Variants in AGBL4 observed in about 807,000 individuals in gnomAD.
AGBL4 encodes the protein AGBL carboxypeptidase 4.
A neutral mutation model predicts 66.4 loss-of-function variants in AGBL4; 58 were observed. That is an observed-to-expected ratio of 0.87 (90% CI 0.71 to 1.09). The LOEUF is 1.09. Ranked by LOEUF, AGBL4 falls within the 50% of genes least tolerant of loss-of-function variation. AGBL4 has a pLI of 0.00. For synonymous variants in AGBL4, 234 were observed against 222.9 expected, an observed-to-expected ratio of 1.05 and a Z score of -0.44; for missense variants, 579 against 631.0, an observed-to-expected ratio of 0.92 and a Z score of 0.88.
At chr1:49,709,547 A>ACAAAAGCAATGGCAAACAC (rs1266211363) in intron 2 of AGBL4, among the ~76,000 whole-genome samples, 1 of 152,182 alleles carries the variant, frequency 6.6e-6, no homozygotes, top group African/African-American at 2.4e-5. Flanking sequence ...AGCAATGGCA[A>ACAAAAGCAATGGCAAACAC]CAAAAGCAAT....
intron 3 of AGBL4, among the ~76,000 whole-genome samples, chr1:49,528,986 T>C (rs1227201126): frequency 6.6e-6 from 1 of 152,190 alleles, no homozygotes; most frequent in Non-Finnish European, 1.5e-5. Context: ...TGAACTTAAT[T>C]TTAAACACTA....
At chr1:49,953,532 T>C (rs1045553948) in intron 1 of AGBL4, among the ~76,000 whole-genome samples, 1 of 151,928 alleles carries the variant, frequency 6.6e-6, no homozygotes, top group Non-Finnish European at 1.5e-5. Context: ...TTAATGTCTA[T>C]TCCCAGAGAT....
chr1:49,845,702 C>T, intron 2 of AGBL4: 4 of 1,594,230 alleles, frequency 2.5e-6, no homozygotes, highest in Non-Finnish European at 3.4e-6. Context: ...AGCCAGAGCA[C>T]ATTCCTGACT....
At chr1:48,628,422 G>C (rs1448282669) in intron 9 of AGBL4, among the ~76,000 whole-genome samples, 2 of 152,056 alleles carry the variant, frequency 1.3e-5, no homozygotes, top group East Asian at 3.9e-4. Context: ...CTAACAAGCG[G>C]CACTTTGTTT....
intron 3 of AGBL4, among the ~76,000 whole-genome samples, chr1:49,352,956 C>T (rs1190773132): frequency 1.3e-5 from 2 of 152,184 alleles, no homozygotes; most frequent in African/African-American, 4.8e-5. Context: ...CACCCTATGA[C>T]TTTCCTTTCC....
rs149982256 is a variant in AGBL4, at chr1:48,726,376, C to A, written c.635-63135G>T. On this transcript the variant is annotated intron_variant, in intron 6 of 13. Transcript: ENST00000371839. Reference sequence around the variant, plus strand: ...TTTTTTTCCAGCATCTCACGCAATCCACACAACTCATGCCTGAGCTTCCCC... The same window carrying A: ...TTTTTTTCCAGCATCTCACGCAATCAACACAACTCATGCCTGAGCTTCCCC... Among the ~76,000 whole-genome samples the A allele has an allele frequency of 4.2e-3, 642 of 152,174 alleles. 4 individuals are homozygous for A. Among genetic ancestry groups the A allele is most frequent in the African/African-American group, 0.015 (614 of 41,494 alleles).
intron 1 of AGBL4, among the ~76,000 whole-genome samples, chr1:49,951,172 A>G (rs933391846): frequency 3.3e-5 from 5 of 151,850 alleles, no homozygotes; most frequent in South Asian, 2.1e-4. Context: ...GACTATAGTT[A>G]ATAATAATGT....
intron 3 of AGBL4, among the ~76,000 whole-genome samples, chr1:49,316,859 T>C (rs1253821737): frequency 1.3e-5 from 2 of 151,858 alleles, no homozygotes; most frequent in African/African-American, 4.8e-5. Context: ...AACTAAAGGA[T>C]AGGTAAAATA....
chr1:49,099,532 G>A (rs1283294537), intron 4 of AGBL4, among the ~76,000 whole-genome samples: 1 of 152,126 alleles, frequency 6.6e-6, no homozygotes, highest in African/African-American at 2.4e-5. Context: ...TCTGTGCTAA[G>A]CATTGTGCTA....
chr1:49,458,044 T>C (rs887959688), intron 3 of AGBL4, among the ~76,000 whole-genome samples: 1 of 151,466 alleles, frequency 6.6e-6, no homozygotes, highest in Non-Finnish European at 1.5e-5. Flanking sequence ...GGCTCGTTTT[T>C]GGCTCCATAT....
intron 6 of AGBL4, among the ~76,000 whole-genome samples, chr1:48,752,333 G>C (rs1651872480): frequency 1.3e-5 from 2 of 152,156 alleles, no homozygotes; most frequent in Non-Finnish European, 2.9e-5. Flanking sequence ...CACAACTAGT[G>C]ATGTCTAAAA....
chr1:49,484,614 C>T lies in AGBL4; in HGVS notation c.282+212699G>A, dbSNP rs185671526. Among the ~76,000 whole-genome samples, 412 of 151,570 alleles carry T rather than the reference C, an allele frequency of 2.7e-3. 1 individual carries two copies. Among genetic ancestry groups the T allele is most frequent in the African/African-American group, 9.2e-3 (379 of 41,384 alleles). ...TTATCAGAGGCTGGAAAGGGCAGGGCGGTACAGGGATGGGGTGGGGTTGAT... is the reference window on the plus strand; with the variant it reads ...TTATCAGAGGCTGGAAAGGGCAGGGTGGTACAGGGATGGGGTGGGGTTGAT... On this transcript the variant is annotated intron_variant, in intron 3 of 13. Coordinates refer to ENST00000371839, the MANE Select transcript of AGBL4 (RefSeq NM_032785.4).
At chr1:48,931,018 T>C (rs2147845) in intron 5 of AGBL4, among the ~76,000 whole-genome samples, 15,620 of 152,186 alleles carry the variant, frequency 0.1, 897 homozygotes, top group African/African-American at 0.11. Context: ...ATAGTCTAAT[T>C]TAATTCTCAG....
intron 3 of AGBL4, among the ~76,000 whole-genome samples, chr1:49,634,109 G>A (rs1645624685): frequency 6.6e-6 from 1 of 151,782 alleles, no homozygotes; most frequent in African/African-American, 2.4e-5. Context: ...TACATGTGCA[G>A]AACCTGCAGG....
intron 8 of AGBL4, among the ~76,000 whole-genome samples, chr1:48,638,654 G>T (rs17365245): frequency 0.013 from 2,033 of 152,242 alleles, 17 homozygotes; most frequent in Non-Finnish European, 0.021. Flanking sequence ...AGCATCTGTT[G>T]CTCCCCCAGC....
chr1:49,780,009 G>A lies in AGBL4; in HGVS notation c.157+71387C>T, dbSNP rs142778390. Among the ~76,000 whole-genome samples the A allele has an allele frequency of 4.8e-3, 728 of 152,160 alleles. 6 individuals are homozygous for A. The highest frequency in any genetic ancestry group is 6.0e-3 in the Non-Finnish European group (410 of 68,004). On this transcript the variant is annotated intron_variant, in intron 2 of 13. Coordinates refer to ENST00000371839, the MANE Select transcript of AGBL4 (RefSeq NM_032785.4). ...AATTGACTTATCATCAGAAACAATGGAGGGCACTTTTGCCTCTTTCAAAAA... is the reference window on the plus strand; with the variant it reads ...AATTGACTTATCATCAGAAACAATGAAGGGCACTTTTGCCTCTTTCAAAAA...
intron 1 of AGBL4, among the ~76,000 whole-genome samples, chr1:49,853,616 G>C (rs941628744): frequency 1.3e-5 from 2 of 151,872 alleles, no homozygotes; most frequent in Non-Finnish European, 2.9e-5. Context: ...CAAAATTAAT[G>C]AAAGATATTG....
chr1:49,476,979 C>A (rs183416500), intron 3 of AGBL4, among the ~76,000 whole-genome samples: 1 of 152,166 alleles, frequency 6.6e-6, no homozygotes, highest in East Asian at 1.9e-4. Context: ...TGAAACTTCT[C>A]TGCCTGTGGA....
chr1:49,905,661 T>C (rs1446222162), intron 1 of AGBL4, among the ~76,000 whole-genome samples: 4 of 152,140 alleles, frequency 2.6e-5, no homozygotes, highest in East Asian at 1.9e-4. Flanking sequence ...AATCAAAATA[T>C]AGCCTGGCCA....
Sources: allele counts gnomAD v4.1 joint callset (sites outside exome capture counted in the v4.1 genomes callset), GRCh38; gene constraint gnomAD v4.1.1; transcripts MANE v1.5; gene names NCBI Gene and HGNC (gene_info 2026-07-23, HGNC 2026-07-21).